The following RTL4 variants were observed in gnomAD, a reference collection of about 807,000 sequenced individuals.
RTL4 encodes the protein retrotransposon Gag like 4.
A neutral mutation model predicts 5.3 loss-of-function variants in RTL4; 4 were observed. That is an observed-to-expected ratio of 0.75 (90% CI 0.37 to 1.72). RTL4 has a LOEUF of 1.72. Ranked by LOEUF, RTL4 falls within the 40% of genes most tolerant of loss-of-function variation. The pLI is 0.04. For missense variants in RTL4, 260 were observed against 227.1 expected (o/e 1.14, Z -0.93); for synonymous variants, 98 against 87.3 (o/e 1.12, Z -0.68).
the RTL4 span, among the ~76,000 whole-genome samples, chrX:112,265,822 A>G: frequency 9.3e-6 from 1 of 106,995 alleles, no homozygotes; most frequent in Admixed American, 1.0e-4. Context: ...GCATAACCTT[A>G]ACCATTCTCT....
At chrX:112,375,849 CA>C in the RTL4 span, among the ~76,000 whole-genome samples, 10 of 111,591 alleles carry the variant, frequency 9.0e-5, no homozygotes, top group African/African-American at 2.9e-4. Flanking sequence ...ACTAAAATGG[CA>C]GAACTGAGTA....
At chrX:112,381,714 G>A in the RTL4 span, 229 of 1,196,628 alleles carry the variant, frequency 1.9e-4, no homozygotes, top group Non-Finnish European at 2.4e-4. Flanking sequence ...CAGGCAATGA[G>A]GGACATTGCT....
chrX:112,127,312 G>T, the RTL4 span, among the ~76,000 whole-genome samples: 2 of 111,055 alleles, frequency 1.8e-5, no homozygotes, highest in Admixed American at 9.6e-5. Context: ...AGAATGAAGG[G>T]TATAAAAATC....
the RTL4 span, among the ~76,000 whole-genome samples, chrX:112,301,921 G>A: frequency 1.9e-4 from 20 of 107,499 alleles, no homozygotes; most frequent in East Asian, 1.5e-3. Context: ...AGCTGTGATC[G>A]TGCCAATGCT....
chrX:112,354,200 C>T, the RTL4 span, among the ~76,000 whole-genome samples: 248 of 111,204 alleles, frequency 2.2e-3, 3 homozygotes, highest in African/African-American at 7.5e-3. Flanking sequence ...GGAGGTAGCG[C>T]AGCATTATAG....
the RTL4 span, among the ~76,000 whole-genome samples, chrX:112,377,838 T>C: frequency 8.9e-6 from 1 of 111,875 alleles, no homozygotes; most frequent in Non-Finnish European, 1.9e-5. Flanking sequence ...AATAGCAGAA[T>C]CACAATTTAG....
At chrX:112,397,031 T>C in the RTL4 span, among the ~76,000 whole-genome samples, 5 of 112,009 alleles carry the variant, frequency 4.5e-5, no homozygotes, top group African/African-American at 9.7e-5. Context: ...GATTTCTCCA[T>C]GTGAAGTTAT....
chrX:112,236,207 T>C, the RTL4 span, among the ~76,000 whole-genome samples: 53 of 108,505 alleles, frequency 4.9e-4, no homozygotes, highest in African/African-American at 1.7e-3. Context: ...ATAACAGCAT[T>C]CTCTCAAATG....
chrX:112,392,520 G>T, the RTL4 span, among the ~76,000 whole-genome samples: 2 of 112,029 alleles, frequency 1.8e-5, no homozygotes, highest in African/African-American at 6.5e-5. Context: ...GGTGGCTGGA[G>T]ACCCCAGTCA....
the RTL4 span, among the ~76,000 whole-genome samples, chrX:112,423,303 G>A: frequency 9.0e-6 from 1 of 110,773 alleles, no homozygotes; most frequent in Non-Finnish European, 1.9e-5. Flanking sequence ...CAAGTACTTA[G>A]CTGTCAACTC....
chrX:112,302,806 G>T, the RTL4 span, among the ~76,000 whole-genome samples: 1 of 112,531 alleles, frequency 8.9e-6, no homozygotes, highest in Non-Finnish European at 1.9e-5. Flanking sequence ...TTTAATAAAT[G>T]AGAACTACCA....
At position 112,454,742 on chromosome X, in the gene RTL4, C is replaced by T. The variant is rs768703027; in HGVS notation, c.14C>T (p.Thr5Met). Reference sequence around the variant, plus strand: ...CCAGGAGACATAATGGAGAAGTGCACGAAATCATCATCTACCATGCAGGTA... The same window carrying T: ...CCAGGAGACATAATGGAGAAGTGCATGAAATCATCATCTACCATGCAGGTA... Residue 5 changes from threonine to methionine, a missense_variant, in exon 1 of 1, where the codon ACG becomes ATG. Transcript: ENST00000340433. 7.5e-5 allele frequency: 89 copies of T among 1,184,764 alleles called. No homozygotes were observed. The highest frequency in any genetic ancestry group is 7.1e-4 in the Middle Eastern group (3 of 4,217).
chrX:112,424,387 T>C, the RTL4 span, among the ~76,000 whole-genome samples: 1 of 111,515 alleles, frequency 9.0e-6, no homozygotes, highest in African/African-American at 3.3e-5. Flanking sequence ...GTAGAAAAGT[T>C]CACAGGCATT....
chrX:112,200,009 T>C, the RTL4 span, among the ~76,000 whole-genome samples: 1 of 112,394 alleles, frequency 8.9e-6, no homozygotes, highest in East Asian at 2.8e-4. Flanking sequence ...CACTCTTCTA[T>C]GCGTTTTATA....
the RTL4 span, among the ~76,000 whole-genome samples, chrX:112,405,182 T>C: frequency 0.012 from 1,352 of 111,098 alleles, 11 homozygotes; most frequent in Non-Finnish European, 0.015. Flanking sequence ...GGCCACACAC[T>C]CAAAAAAAGA....
At chrX:112,386,966 C>T in the RTL4 span, among the ~76,000 whole-genome samples, 1 of 111,764 alleles carries the variant, frequency 8.9e-6, no homozygotes, top group Non-Finnish European at 1.9e-5. Context: ...GTTTACATTC[C>T]CACCAGCAGT....
the RTL4 span, among the ~76,000 whole-genome samples, chrX:112,350,347 A>T: frequency 9.5e-6 from 1 of 105,514 alleles, no homozygotes; most frequent in Admixed American, 1.0e-4. Context: ...TGTCTCTGCC[A>T]GGCTTTGGTA....
chrX:112,202,384 A>C, the RTL4 span, among the ~76,000 whole-genome samples: 1 of 110,042 alleles, frequency 9.1e-6, no homozygotes, highest in Non-Finnish European at 1.9e-5. Flanking sequence ...GCACAAGACC[A>C]TCTGTGTTAC....
At chrX:112,329,940 C>T in the RTL4 span, among the ~76,000 whole-genome samples, 4 of 103,266 alleles carry the variant, frequency 3.9e-5, no homozygotes, top group South Asian at 8.8e-4. Flanking sequence ...GCAGAAAAGG[C>T]CTTTGACAAA....
Sources: gnomAD v4.1 joint callset for allele counts (sites outside exome capture counted in the v4.1 genomes callset) on GRCh38, gnomAD v4.1.1 for gene constraint, MANE v1.5 for transcripts, NCBI Gene and HGNC (gene_info 2026-07-23, HGNC 2026-07-21) for gene names.